Variants in BBOX1 observed in about 807,000 individuals in gnomAD.
BBOX1 encodes gamma-butyrobetaine hydroxylase 1, also known as gamma-butyrobetaine dioxygenase.
A neutral mutation model predicts 41.6 loss-of-function variants in BBOX1; 35 were observed. The ratio of observed to expected loss-of-function variants is 0.84; its 90% CI spans 0.64 to 1.11. BBOX1 has a LOEUF of 1.11. Among genes scored for constraint, BBOX1 ranks in the 50% most tolerant of loss-of-function variants. BBOX1 has a pLI of 0.00. For synonymous variants in BBOX1, 163 were observed against 154.7 expected, an observed-to-expected ratio of 1.05 and a Z score of -0.40; for missense variants, 458 against 460.6, an observed-to-expected ratio of 0.99 and a Z score of 0.05.
At chr11:27,076,397 G>A (rs1482251414) in intron 4 of BBOX1, among the ~76,000 whole-genome samples, 2 of 152,224 alleles carry the variant, frequency 1.3e-5, no homozygotes, top group African/African-American at 4.8e-5. Context: ...CTCCTGGTTA[G>A]CCATGGTGCT....
chr11:27,067,297 T>A (rs1288526974), intron 4 of BBOX1, among the ~76,000 whole-genome samples: 1 of 151,992 alleles, frequency 6.6e-6, no homozygotes, highest in African/African-American at 2.4e-5. Flanking sequence ...AGTGGTGGAG[T>A]CTGAGGTTTT....
intron 4 of BBOX1, among the ~76,000 whole-genome samples, chr11:27,075,236 A>C (rs1857595529): frequency 6.6e-6 from 1 of 151,948 alleles, no homozygotes; most frequent in South Asian, 2.1e-4. Context: ...ACTCTGTAAG[A>C]GTTTCTCATT....
chr11:27,061,908 TA>T (rs35556063), intron 4 of BBOX1, among the ~76,000 whole-genome samples: 1 of 151,752 alleles, frequency 6.6e-6, no homozygotes, highest in South Asian at 2.1e-4. Context: ...AAGATTTTTT[TA>T]AAAGACATAG....
rs140031947 is a variant in BBOX1, at chr11:27,110,464, T to A, written c.534-4988T>A. 2.6e-5 allele frequency among the ~76,000 whole-genome samples: 4 copies of A among 152,088 alleles called. No individual in the cohort carries two copies. The East Asian group carries it at 7.8e-4, about 29-fold the overall frequency. On this transcript the variant is annotated intron_variant, in intron 5 of 8. Coordinates refer to ENST00000263182, the MANE Select transcript of BBOX1 (RefSeq NM_003986.3). ...CACTCTTGATCCCCTGGTGGCTCTG[T>A]CCCAACCATGCTGACCTTGTTCTGC...
intron 6 of BBOX1, among the ~76,000 whole-genome samples, chr11:27,116,665 C>T (rs1014352464): frequency 2.0e-5 from 3 of 151,854 alleles, no homozygotes; most frequent in Admixed American, 6.6e-5. Flanking sequence ...CTGCTCCACT[C>T]GGTCTATTCA....
At chr11:27,096,319 C>G (rs959803496) in intron 5 of BBOX1, among the ~76,000 whole-genome samples, 4 of 151,984 alleles carry the variant, frequency 2.6e-5, no homozygotes, top group Non-Finnish European at 5.9e-5. Flanking sequence ...GGAAAAGTAT[C>G]TTACTCTTGT....
intron 7 of BBOX1, among the ~76,000 whole-genome samples, chr11:27,123,246 A>G (rs771408121): frequency 1.3e-5 from 2 of 152,144 alleles, no homozygotes; most frequent in Non-Finnish European, 2.9e-5. Flanking sequence ...TTACTTTTCT[A>G]TATAGGTGAA....
intron 2 of BBOX1, among the ~76,000 whole-genome samples, chr11:27,043,324 A>C (rs545553587): frequency 6.6e-6 from 1 of 152,070 alleles, no homozygotes; most frequent in South Asian, 2.1e-4. Context: ...CAGCCTCCCA[A>C]AGTGCTGGGA....
At chr11:27,101,231 T>C (rs1350358571) in intron 5 of BBOX1, among the ~76,000 whole-genome samples, 3 of 152,160 alleles carry the variant, frequency 2.0e-5, no homozygotes, top group African/African-American at 7.2e-5. Context: ...GACAGCATTA[T>C]ATAGAAATTT....
chr11:27,045,635 A>C (rs7113488), intron 2 of BBOX1, among the ~76,000 whole-genome samples: 17,643 of 152,146 alleles, frequency 0.12, 1,396 homozygotes, highest in East Asian at 0.27. Context: ...AGTTTTTAGC[A>C]TGAAGGGCTG....
At chr11:27,043,632 C>T (rs958079138) in intron 2 of BBOX1, among the ~76,000 whole-genome samples, 1 of 152,110 alleles carries the variant, frequency 6.6e-6, no homozygotes, top group South Asian at 2.1e-4. Context: ...TGTGATGTTC[C>T]CCTCCCTGTG....
chr11:27,056,648 G>A (rs1856989285), intron 3 of BBOX1, among the ~76,000 whole-genome samples: 1 of 152,142 alleles, frequency 6.6e-6, no homozygotes, highest in East Asian at 1.9e-4. Flanking sequence ...AGGTTTAGAG[G>A]ATGTAGGTCA....
At chr11:27,097,879 A>C (rs556580716) in intron 5 of BBOX1, among the ~76,000 whole-genome samples, 272 of 152,120 alleles carry the variant, frequency 1.8e-3, no homozygotes, top group African/African-American at 6.1e-3. Context: ...AAATAATATA[A>C]ATTTAATTAA....
chr11:27,098,382 T>C (rs1858525038), intron 5 of BBOX1, among the ~76,000 whole-genome samples: 1 of 152,008 alleles, frequency 6.6e-6, no homozygotes, highest in Admixed American at 6.6e-5. Context: ...ATGAACGAGT[T>C]TTGCACTCTT....
rs181152158 is a variant in BBOX1 at position 27,112,959 on chromosome 11, A to G, written c.534-2493A>G. Among the ~76,000 whole-genome samples the G allele has an allele frequency of 1.8e-4, 28 of 152,178 alleles. No homozygotes were observed. The East Asian group carries it at 5.2e-3, about 28-fold the overall frequency. On this transcript the variant is annotated intron_variant, in intron 5 of 8. Transcript: ENST00000263182. ...TATAAGGAACATAAATTTACAAGCA[A>G]AAAACAAACAACCCCATTAATAAGT...
At chr11:27,106,727 C>T (rs1858883942) in intron 5 of BBOX1, among the ~76,000 whole-genome samples, 1 of 143,246 alleles carries the variant, frequency 7.0e-6, no homozygotes, top group East Asian at 2.1e-4. Flanking sequence ...CAGCTCTGCA[C>T]CAAGGGGACC....
chr11:27,126,101 T>C (rs1859641085), intron 8 of BBOX1, among the ~76,000 whole-genome samples: 1 of 152,216 alleles, frequency 6.6e-6, no homozygotes, highest in African/African-American at 2.4e-5. Flanking sequence ...GTGGAGACAG[T>C]ACTACCTGAA....
At chr11:27,115,676 C>A in intron 6 of BBOX1, 119 bp downstream of exon 6, 1 of 773,252 alleles carries the variant, frequency 1.3e-6, no homozygotes, top group Non-Finnish European at 1.9e-6. Flanking sequence ...ATTTTTTCTC[C>A]AAACACAATC....
At position 27,057,902 on chromosome 11, in the gene BBOX1, A is replaced by C. The variant is rs1857034243; in HGVS notation, c.334+587A>C. ...CATAAACAGAACAATGTTCAGAAAA[A>C]CTGCAAGGGTGGATTCAGTGGATAA... On this transcript the variant is annotated intron_variant, in intron 4 of 8. Coordinates refer to ENST00000263182, the MANE Select transcript of BBOX1 (RefSeq NM_003986.3). Among the ~76,000 whole-genome samples the C allele has an allele frequency of 2.6e-5, 4 of 152,166 alleles. No individual in the cohort carries two copies. In the South Asian group the frequency reaches 8.3e-4, roughly 32 times the overall value.
Sources: gnomAD v4.1 joint callset for allele counts (sites outside exome capture counted in the v4.1 genomes callset) on GRCh38, gnomAD v4.1.1 for gene constraint, MANE v1.5 for transcripts, NCBI Gene and HGNC (gene_info 2026-07-23, HGNC 2026-07-21) for gene names.